Variants in BRINP1 observed in about 807,000 individuals in gnomAD.
BRINP1 encodes BMP/retinoic acid-inducible neural-specific protein 1.
In BRINP1, 17 loss-of-function variants were observed where a neutral mutation model predicts 72.9. That is an observed-to-expected ratio of 0.23 (90% CI 0.16 to 0.35). The LOEUF (loss-of-function observed/expected upper bound fraction) is 0.35. Ranked by LOEUF, BRINP1 falls within the 10% of genes least tolerant of loss-of-function variation. The pLI is 1.00. For missense variants in BRINP1, 850 were observed against 1,001.6 expected, an observed-to-expected ratio of 0.85 and a Z score of 2.04; for synonymous variants, 418 against 378.5, an observed-to-expected ratio of 1.10 and a Z score of -1.21.
At chr9:119,366,890 T>C (rs1205218340) in intron 1 of BRINP1, among the ~76,000 whole-genome samples, 1 of 151,922 alleles carries the variant, frequency 6.6e-6, no homozygotes, top group African/African-American at 2.4e-5. Context: ...GCCTTTCTGC[T>C]CTTTAATATT....
intron 5 of BRINP1, among the ~76,000 whole-genome samples, chr9:119,225,559 T>A (rs1411978188): frequency 6.6e-6 from 1 of 152,046 alleles, no homozygotes; most frequent in African/African-American, 2.4e-5. Context: ...TTTTTATTGT[T>A]GTATTATTAT....
chr9:119,329,323 T>C (rs1831274191), intron 1 of BRINP1, among the ~76,000 whole-genome samples: 1 of 152,180 alleles, frequency 6.6e-6, no homozygotes, highest in Non-Finnish European at 1.5e-5. Flanking sequence ...GTGGATTCAT[T>C]TGTATAGAAA....
chr9:119,180,478 C>CGT (rs1829542256), intron 7 of BRINP1, among the ~76,000 whole-genome samples: 2 of 120,278 alleles, frequency 1.7e-5, no homozygotes, highest in African/African-American at 3.0e-5. Context: ...TCTCTCTGTG[C>CGT]ATGTGTGTGT....
chr9:119,202,689 C>G (rs1022729595), intron 7 of BRINP1, among the ~76,000 whole-genome samples: 1 of 152,130 alleles, frequency 6.6e-6, no homozygotes, highest in African/African-American at 2.4e-5. Context: ...CTCCTGCGGG[C>G]TAACAGAAAT....
chr9:119,208,586 T>C, intron 7 of BRINP1, 133 bp downstream of exon 7: 1 of 783,302 alleles, frequency 1.3e-6, no homozygotes, highest in South Asian at 1.8e-5. Context: ...AGAAAATTGT[T>C]GGTCTGGACC....
Position 119,313,168 on chromosome 9 carries a change from TGAC to T in BRINP1, c.185_187del (p.Arg62del), listed in dbSNP as rs1255059404. 2 of 1,614,036 alleles carry T rather than the reference TGAC, an allele frequency of 1.2e-6. No individual in the cohort carries two copies. The highest frequency in any genetic ancestry group is 1.7e-6 in the Non-Finnish European group (2 of 1,180,042). Reference sequence around the variant, plus strand: ...TATTTTATATCTGGTTGTAAATCCTTGACGGTGTCTTTCCACAAAGGATAGGTA... The same window carrying T: ...TATTTTATATCTGGTTGTAAATCCTTGGTGTCTTTCCACAAAGGATAGGTA... On this transcript the variant is annotated inframe_deletion, in exon 2 of 8. Transcript: ENST00000265922.
intron 5 of BRINP1, among the ~76,000 whole-genome samples, chr9:119,222,052 C>A (rs1830046333): frequency 2.0e-5 from 3 of 152,092 alleles, no homozygotes. Context: ...CATGTTTTGG[C>A]CAATGAAATA....
intron 1 of BRINP1, among the ~76,000 whole-genome samples, chr9:119,316,335 G>A (rs189637117): frequency 1.2e-4 from 18 of 152,228 alleles, no homozygotes; most frequent in African/African-American, 2.2e-4. Context: ...TGATCTGCCC[G>A]CCTCAGCCTC....
At chr9:119,320,986 A>T (rs908549754) in intron 1 of BRINP1, among the ~76,000 whole-genome samples, 1 of 151,382 alleles carries the variant, frequency 6.6e-6, no homozygotes, top group Non-Finnish European at 1.5e-5. Context: ...GCTGGAGTGC[A>T]GTGGCGCTAT....
intron 2 of BRINP1, among the ~76,000 whole-genome samples, chr9:119,302,170 C>T (rs891585018): frequency 5.9e-5 from 9 of 152,156 alleles, no homozygotes; most frequent in African/African-American, 1.7e-4. Flanking sequence ...AACTTGAGGT[C>T]GTTCACAGTT....
chr9:119,184,984 G>A (rs192901920), intron 7 of BRINP1, among the ~76,000 whole-genome samples: 1 of 152,094 alleles, frequency 6.6e-6, no homozygotes, highest in South Asian at 2.1e-4. Context: ...TTAATTCCAG[G>A]AGATGTAAAA....
intron 1 of BRINP1, among the ~76,000 whole-genome samples, chr9:119,337,517 G>A (rs770219693): frequency 3.3e-5 from 5 of 152,240 alleles, no homozygotes; most frequent in Non-Finnish European, 5.9e-5. Context: ...ACATAGCCAT[G>A]TGTTGACAAG....
At chr9:119,253,255 CT>C (rs1209345657) in intron 2 of BRINP1, among the ~76,000 whole-genome samples, 1 of 152,106 alleles carries the variant, frequency 6.6e-6, no homozygotes, top group Non-Finnish European at 1.5e-5. Flanking sequence ...AGCAATGCCA[CT>C]ACTAGGCATA....
At chr9:119,268,556 T>G (rs1163859928) in intron 2 of BRINP1, among the ~76,000 whole-genome samples, 1 of 152,194 alleles carries the variant, frequency 6.6e-6, no homozygotes, top group Non-Finnish European at 1.5e-5. Flanking sequence ...AGAAGCAGTC[T>G]TTGGCCACCA....
chr9:119,167,992 G>T lies in BRINP1; in HGVS notation c.1378C>A (p.Arg460Ser), dbSNP rs370571795. Reference protein sequence around the residue: ...CNKGYKLYRGRCEPQNVDSER... With the variant: ...CNKGYKLYRGSCEPQNVDSER... ...GAGTCCACGTTCTGTGGTTCACAGC[G>T]GCCTCGATACAGCTTGTAGCCCTTG... The change falls in exon 8 of 8, where the codon CGC (arginine) becomes AGC (serine). Residue 460 changes from arginine to serine, a missense_variant. Physicochemically the swap from Arg to Ser is moderately radical, Grantham distance 110. Coordinates refer to ENST00000265922, the MANE Select transcript of BRINP1 (RefSeq NM_014618.3). The surrounding 1 kb of genome is among the most constrained non-coding windows in gnomAD (Gnocchi z 4.3). 2 of 1,614,214 alleles carry T rather than the reference G, an allele frequency of 1.2e-6. No homozygotes were observed. Among genetic ancestry groups the T allele is most frequent in the East Asian group, 4.5e-5 (2 of 44,872 alleles).
chr9:119,237,468 T>C (rs922123255), intron 5 of BRINP1, among the ~76,000 whole-genome samples: 1 of 151,712 alleles, frequency 6.6e-6, no homozygotes, highest in Admixed American at 6.6e-5. Context: ...GTTCATGCCC[T>C]TCTCCCACCT....
At chr9:119,354,261 C>T (rs1281303208) in intron 1 of BRINP1, among the ~76,000 whole-genome samples, 2 of 152,028 alleles carry the variant, frequency 1.3e-5, no homozygotes, top group South Asian at 2.1e-4. Flanking sequence ...AAAAATAGGA[C>T]AAAATCCATC....
intron 5 of BRINP1, among the ~76,000 whole-genome samples, chr9:119,232,962 C>T (rs924211979): frequency 3.3e-5 from 5 of 151,958 alleles, no homozygotes; most frequent in African/African-American, 1.2e-4. Flanking sequence ...TACTAATAGC[C>T]TCTGATCATT....
chr9:119,217,497 C>T (rs561655143), intron 5 of BRINP1, among the ~76,000 whole-genome samples: 1 of 152,258 alleles, frequency 6.6e-6, no homozygotes, highest in Admixed American at 6.5e-5. Context: ...CCACACTGAA[C>T]ATATGGAATA....
Sources: allele counts gnomAD v4.1 joint callset (sites outside exome capture counted in the v4.1 genomes callset), GRCh38; gene constraint gnomAD v4.1.1; non-coding constraint Gnocchi (gnomAD v3.1); transcripts MANE v1.5; gene names NCBI Gene and HGNC (gene_info 2026-07-23, HGNC 2026-07-21).